Variants in MTCL3 observed in about 807,000 individuals in gnomAD.
The protein encoded by MTCL3 is microtubule cross-linking factor 3.
At chr6:127,474,594 T>A in the MTCL3 span, among the ~76,000 whole-genome samples, 1 of 152,162 alleles carries the variant, frequency 6.6e-6, no homozygotes, top group Non-Finnish European at 1.5e-5. Context: ...TCTTTCTTTT[T>A]TTTGAGACAG....
chr6:127,505,726 A>G, the MTCL3 span, among the ~76,000 whole-genome samples: 3 of 152,176 alleles, frequency 2.0e-5, no homozygotes, highest in African/African-American at 7.2e-5. Flanking sequence ...AAATTAAAAA[A>G]TGTGTATCTG....
At chr6:127,478,369 GAA>G in the MTCL3 span, among the ~76,000 whole-genome samples, 1 of 152,186 alleles carries the variant, frequency 6.6e-6, no homozygotes, top group African/African-American at 2.4e-5. Context: ...ACAGTGGAAT[GAA>G]ACTTACAGAA....
the MTCL3 span, among the ~76,000 whole-genome samples, chr6:127,495,898 T>C: frequency 1.3e-5 from 2 of 152,264 alleles, no homozygotes; most frequent in East Asian, 3.9e-4. Context: ...TGGGTCTAGA[T>C]TATGGCATGG....
the MTCL3 span, among the ~76,000 whole-genome samples, chr6:127,508,611 G>A: frequency 1.3e-5 from 2 of 152,102 alleles, no homozygotes; most frequent in Non-Finnish European, 2.9e-5. Flanking sequence ...CTTGTGTATG[G>A]GTGAGGTATG....
At chr6:127,516,132 A>T in the MTCL3 span, 3 of 1,452,650 alleles carry the variant, frequency 2.1e-6, no homozygotes, top group Non-Finnish European at 2.7e-6. Context: ...CTCCGAGCGG[A>T]GGGGGTTCCC....
chr6:127,480,319 C>A, the MTCL3 span, among the ~76,000 whole-genome samples: 3 of 152,192 alleles, frequency 2.0e-5, no homozygotes, highest in Non-Finnish European at 4.4e-5. Context: ...GTTCATACAG[C>A]TGGTATATGC....
the MTCL3 span, among the ~76,000 whole-genome samples, chr6:127,510,697 C>G: frequency 1.3e-5 from 2 of 152,162 alleles, no homozygotes; most frequent in Non-Finnish European, 2.9e-5. Context: ...TTAAAACACT[C>G]AAGGAATATG....
chr6:127,518,445 C>T, the MTCL3 span: 1 of 152,228 alleles, frequency 6.6e-6, no homozygotes, highest in African/African-American at 2.4e-5. Flanking sequence ...CTCTTCAAGG[C>T]TTTCCCGGTG....
the MTCL3 span, among the ~76,000 whole-genome samples, chr6:127,479,782 A>G: frequency 3.3e-5 from 5 of 152,172 alleles, no homozygotes; most frequent in Admixed American, 3.3e-4. Flanking sequence ...CAAGATACAA[A>G]ATGTGCTAGT....
At chr6:127,499,279 G>A in the MTCL3 span, among the ~76,000 whole-genome samples, 26 of 152,094 alleles carry the variant, frequency 1.7e-4, no homozygotes, top group Non-Finnish European at 2.9e-4. Context: ...TGAAGACTAG[G>A]AAGCTGTCAG....
chr6:127,503,071 G>T, the MTCL3 span, among the ~76,000 whole-genome samples: 1 of 152,196 alleles, frequency 6.6e-6, no homozygotes, highest in African/African-American at 2.4e-5. Context: ...TATTATAGAG[G>T]ATTATAGATT....
At chr6:127,477,550 G>C in the MTCL3 span, among the ~76,000 whole-genome samples, 8 of 152,152 alleles carry the variant, frequency 5.3e-5, no homozygotes, top group Admixed American at 3.9e-4. Context: ...ATCTGTGTTT[G>C]AGATGCATTC....
At chr6:127,499,408 C>G in the MTCL3 span, among the ~76,000 whole-genome samples, 3 of 151,832 alleles carry the variant, frequency 2.0e-5, no homozygotes. Flanking sequence ...TGAAAACAAA[C>G]TTGAAAATTA....
chr6:127,493,532 A>T, the MTCL3 span, among the ~76,000 whole-genome samples: 3 of 152,154 alleles, frequency 2.0e-5, no homozygotes, highest in African/African-American at 7.2e-5. Context: ...AGAGGTGAGG[A>T]GGTATATCTG....
the MTCL3 span, among the ~76,000 whole-genome samples, chr6:127,497,383 C>A: frequency 6.6e-6 from 1 of 152,198 alleles, no homozygotes. Context: ...GAGATATATT[C>A]TTTCCTTATC....
chr6:127,503,917 T>C, the MTCL3 span, among the ~76,000 whole-genome samples: 1 of 152,156 alleles, frequency 6.6e-6, no homozygotes, highest in African/African-American at 2.4e-5. Context: ...TTAATTACCA[T>C]TTATTCTCTT....
chr6:127,503,101 C>T, the MTCL3 span, among the ~76,000 whole-genome samples: 1 of 152,082 alleles, frequency 6.6e-6, no homozygotes, highest in South Asian at 2.1e-4. Flanking sequence ...TTGAGGTTCC[C>T]TAAAGGGGGT....
the MTCL3 span, among the ~76,000 whole-genome samples, chr6:127,477,133 GC>G: frequency 6.6e-6 from 1 of 152,158 alleles, no homozygotes; most frequent in Non-Finnish European, 1.5e-5. Context: ...TGTTTTAGAG[GC>G]CTGTAAGTCA....
chr6:127,488,306 CA>C, the MTCL3 span, among the ~76,000 whole-genome samples: 1 of 152,186 alleles, frequency 6.6e-6, no homozygotes, highest in South Asian at 2.1e-4. Flanking sequence ...TCTTCCTTTG[CA>C]TATTCCTTGT....
Sources: allele counts gnomAD v4.1 joint callset (sites outside exome capture counted in the v4.1 genomes callset), GRCh38; gene constraint gnomAD v4.1.1; transcripts MANE v1.5; gene names NCBI Gene and HGNC (gene_info 2026-07-23, HGNC 2026-07-21).